SPRING1: variants seen among roughly 807,000 people sequenced by gnomAD.
The protein encoded by SPRING1 is SREBP regulating gene protein.
In SPRING1, 14 loss-of-function variants were observed where a neutral mutation model predicts 24.7. That is an observed-to-expected ratio of 0.57 (90% CI 0.37 to 0.88). The LOEUF (loss-of-function observed/expected upper bound fraction) is 0.88. Ranked by LOEUF, SPRING1 falls within the 40% of genes least tolerant of loss-of-function variation. SPRING1 has a pLI of 0.00. For synonymous variants in SPRING1, 93 were observed against 106.1 expected, an observed-to-expected ratio of 0.88 and a Z score of 0.76; for missense variants, 255 against 268.4, an observed-to-expected ratio of 0.95 and a Z score of 0.35.
intron 1 of SPRING1, among the ~76,000 whole-genome samples, chr12:116,730,801 C>A (rs777613317): frequency 6.6e-6 from 1 of 152,176 alleles, no homozygotes; most frequent in Non-Finnish European, 1.5e-5. Context: ...ACAAGCTAAG[C>A]GTAGCAGATA....
intron 1 of SPRING1, among the ~76,000 whole-genome samples, chr12:116,734,181 TTA>T: frequency 6.6e-6 from 1 of 152,168 alleles, no homozygotes; most frequent in South Asian, 2.1e-4. Flanking sequence ...CCAGCCCATT[TTA>T]TATCTTTTAT....
chr12:116,735,271 G>A (rs887782504), intron 1 of SPRING1, among the ~76,000 whole-genome samples: 1 of 152,200 alleles, frequency 6.6e-6, no homozygotes, highest in Admixed American at 6.5e-5. Flanking sequence ...ACGTCAACTA[G>A]AAAGTAGGAG....
chr12:116,736,181 T>A (rs1014838834), intron 1 of SPRING1, among the ~76,000 whole-genome samples: 2 of 150,850 alleles, frequency 1.3e-5, no homozygotes, highest in African/African-American at 4.9e-5. Flanking sequence ...AGATCTAGGC[T>A]GTTGTTATCA....
In SPRING1 at chr12:116,720,026, C is replaced by T. The variant is rs1870346482; in HGVS notation, c.421-150G>A. ...GGAGGGGAAAGGACACACGCGTGCACACACGTGCATGCCAAAACACCCTGG... is the reference window on the plus strand; with the variant it reads ...GGAGGGGAAAGGACACACGCGTGCATACACGTGCATGCCAAAACACCCTGG... On this transcript the variant is annotated intron_variant, in intron 3 of 4. Coordinates refer to ENST00000261318, the MANE Select transcript of SPRING1 (RefSeq NM_024738.4). The surrounding 1 kb of genome is among the most constrained non-coding windows in gnomAD (Gnocchi z 4.0). The T allele has an allele frequency of 1.3e-6, 1 of 743,762 alleles. No individual in the cohort carries two copies. Among genetic ancestry groups the T allele is most frequent in the South Asian group, 1.8e-5 (1 of 54,954 alleles). 46.1% of individuals were successfully genotyped at this position (743,762 alleles called of 1,614,324 possible). A position where few individuals can be genotyped will look rare whatever the true frequency, so the allele number is the denominator to read the frequency against.
rs142722974 is a variant in SPRING1, at chr12:116,719,841, G to A, written c.456C>T (p.Ala152=). 37 of 1,614,006 alleles carry A rather than the reference G, an allele frequency of 2.3e-5. 1 individual carries two copies. The highest frequency in any genetic ancestry group is 2.2e-4 in the South Asian group (20 of 91,082). The change falls in exon 4 of 5, where the codon GCC becomes GCT. Residue 152 remains alanine, a synonymous_variant. Coordinates refer to ENST00000261318, the MANE Select transcript of SPRING1 (RefSeq NM_024738.4). ...CCATGAAGAGGTTCTGGAATGCCACGGCTGCCCGGTTGAGGAAGCGCTCCA... is the reference window on the plus strand; with the variant it reads ...CCATGAAGAGGTTCTGGAATGCCACAGCTGCCCGGTTGAGGAAGCGCTCCA... The part of the protein sequence containing the change: ...LLLERFLNRA[A]VAFQNLFMAV...
rs1469924028 is a variant in SPRING1, at chr12:116,723,113, C to T, written c.222G>A (p.Gln74=). ...NLGNSSRPSN[Q]CRNSIQGKHL... is the part of the protein sequence containing the mutation. ...GCTTCCCTTGAATGGAGTTGCGGCA[C>T]TGATTGCTCGGACGACTGCTATTGC... Residue 74 remains glutamine (Q), a synonymous_variant, in exon 2 of 5, where the codon CAG becomes CAA. Coordinates refer to ENST00000261318, the MANE Select transcript of SPRING1 (RefSeq NM_024738.4). 2 of 1,612,886 alleles carry T rather than the reference C, an allele frequency of 1.2e-6. No individual in the cohort carries two copies. The highest frequency in any genetic ancestry group is 1.7e-5 in the Admixed American group (1 of 60,028).
chr12:116,728,859 T>A lies in SPRING1; in HGVS notation c.112-5636A>T, dbSNP rs1174238327. On this transcript the variant is annotated intron_variant, in intron 1 of 4. Transcript: ENST00000261318. The surrounding 1 kb of genome is among the most constrained non-coding windows in gnomAD (Gnocchi z 4.2). ...AGTCAGACGCATGCAGGAGCGCCTCTGCCAGAGCACCCAGGACAGCGGGGC... is the reference window on the plus strand; with the variant it reads ...AGTCAGACGCATGCAGGAGCGCCTCAGCCAGAGCACCCAGGACAGCGGGGC... Among the ~76,000 whole-genome samples the A allele has an allele frequency of 1.3e-5, 2 of 152,214 alleles. No homozygotes were observed. Among genetic ancestry groups the A allele is most frequent in the African/African-American group, 4.8e-5 (2 of 41,452 alleles).
At chr12:116,737,756 A>G in intron 1 of SPRING1, 34 bp downstream of exon 1, 2 of 1,410,710 alleles carry the variant, frequency 1.4e-6, no homozygotes, top group African/African-American at 1.5e-5. Context: ...GGAAGGAAGA[A>G]GGGAAGGGGA....
rs993661665 is a variant in SPRING1 at position 116,728,210 on chromosome 12, T to G, written c.112-4987A>C. ...CGCATAGTTAGGCCCGCCCTGCCAC[T>G]AGATCATGTCATCCTGTTTTGTTTT... On this transcript the variant is annotated intron_variant, in intron 1 of 4. Coordinates refer to ENST00000261318, the MANE Select transcript of SPRING1 (RefSeq NM_024738.4). The surrounding 1 kb of genome is among the most constrained non-coding windows in gnomAD (Gnocchi z 4.2). Among the ~76,000 whole-genome samples the G allele has an allele frequency of 6.6e-6, 1 of 152,210 alleles. No individual in the cohort carries two copies. The highest frequency in any genetic ancestry group is 2.4e-5 in the African/African-American group (1 of 41,450).
In SPRING1 at chr12:116,719,860, CG is replaced by C. The variant is rs765226688; in HGVS notation, c.436del (p.Arg146AlafsTer45). 28 of 1,613,940 alleles carry C rather than the reference CG, an allele frequency of 1.7e-5. No individual in the cohort carries two copies. Among genetic ancestry groups the C allele is most frequent in the Non-Finnish European group, 2.2e-5 (26 of 1,179,972 alleles). ...LQPNKQLLLERFLNRAAVAFQ... is the reference protein window; with the variant it reads ...LQPNKQLLLEXFLNRAAVAFQ... The stretch of plus-strand genomic sequence containing the variant: ...TGCCACGGCTGCCCGGTTGAGGAAG[CG>C]CTCCAGGAGAAGTTGCTATGGAAAC... On this transcript the variant is annotated frameshift_variant, in exon 4 of 5. Transcript: ENST00000261318. LOFTEE classifies it high-confidence loss of function.
In SPRING1 at chr12:116,712,515, C is replaced by T. The variant is rs764032748; in HGVS notation, c.*5295G>A. 4 of 152,156 alleles carry T rather than the reference C, an allele frequency of 2.6e-5. No homozygotes were observed. The highest frequency in any genetic ancestry group is 4.4e-5 in the Non-Finnish European group (3 of 68,044). The allele number at this position is 152,156 out of a possible 1,614,324, so 9.4% of individuals were successfully genotyped here. On this transcript the variant is annotated 3_prime_UTR_variant, in exon 5 of 5. Coordinates refer to ENST00000261318, the MANE Select transcript of SPRING1 (RefSeq NM_024738.4). Reference sequence around the variant, plus strand: ...CACACACTGGAAGAGCCTTGCCCAACGAACGATAGACTAACAGGCCAGAGG... The same window carrying T: ...CACACACTGGAAGAGCCTTGCCCAATGAACGATAGACTAACAGGCCAGAGG...
rs900467530 is a variant in SPRING1, at chr12:116,723,026, A to T, written c.268+41T>A. 4.3e-6 allele frequency: 7 copies of T among 1,610,974 alleles called. No individual in the cohort carries two copies. In the African/African-American group the frequency reaches 8.0e-5, roughly 18 times the overall value. On this transcript the variant is annotated intron_variant, in intron 2 of 4. Transcript: ENST00000261318. ...ACCCTATGAATGGCCCAACCAGCCTACGCTCCTGACCGCCTGGAGAGGAAG... is the reference window on the plus strand; with the variant it reads ...ACCCTATGAATGGCCCAACCAGCCTTCGCTCCTGACCGCCTGGAGAGGAAG...
chr12:116,718,681 G>A (rs1157911561), intron 4 of SPRING1, among the ~76,000 whole-genome samples: 1 of 152,210 alleles, frequency 6.6e-6, no homozygotes, highest in Non-Finnish European at 1.5e-5. Context: ...ACTGAAGACT[G>A]GAAATAATTC....
rs1555254866 is a variant in SPRING1, at chr12:116,711,025, A to ACGCACG, written c.*6784_*6785insCGTGCG. On this transcript the variant is annotated 3_prime_UTR_variant, in exon 5 of 5. Transcript: ENST00000261318. ...TTTTGTTACACACACACACACACAC[A>ACGCACG]CACGCACACACAGAGCCAATGTATG... 0.11 allele frequency: 16,725 copies of ACGCACG among 150,880 alleles called. 1,069 individuals carry two copies. The highest frequency in any genetic ancestry group is 0.18 in the African/African-American group (7,224 of 40,982). The allele number at this position is 150,880 out of a possible 1,614,324, so 9.3% of individuals were successfully genotyped here.
intron 1 of SPRING1, among the ~76,000 whole-genome samples, chr12:116,731,286 A>G (rs1238348397): frequency 3.3e-5 from 5 of 152,156 alleles, no homozygotes; most frequent in African/African-American, 1.2e-4. Context: ...TTGACCCCCC[A>G]TGACTTCTGC....
At chr12:116,726,668 G>C (rs904876455) in intron 1 of SPRING1, among the ~76,000 whole-genome samples, 2 of 30,670 alleles carry the variant, frequency 6.5e-5, no homozygotes, top group African/African-American at 1.7e-4. Context: ...GACCCTATCA[G>C]TTAACTGCAT....
chr12:116,719,904 A>G (rs747710312), intron 3 of SPRING1, 28 bp from the exon 4 acceptor site: 2 of 1,583,676 alleles, frequency 1.3e-6, no homozygotes, highest in African/African-American at 2.7e-5. Flanking sequence ...AGTGCCTGTA[A>G]TAAATTACCT....
rs1012112008 is a variant in SPRING1, at chr12:116,710,797, C to T, written c.*7013G>A. 1.1e-4 allele frequency: 17 copies of T among 152,110 alleles called. No homozygotes were observed. Among genetic ancestry groups the T allele is most frequent in the Non-Finnish European group, 4.4e-5 (3 of 68,040 alleles). 9.4% of individuals were successfully genotyped at this position (152,110 alleles called of 1,614,324 possible). On this transcript the variant is annotated 3_prime_UTR_variant, in exon 5 of 5. Transcript: ENST00000261318. ...AGCCTGGGACCCAGCCGCTGGGATA[C>T]GAGGGCTCTGGTCTTGCTTTAACAG...
At position 116,715,618 on chromosome 12, in the gene SPRING1, T is replaced by C. The variant is rs1870088875; in HGVS notation, c.*2192A>G. On this transcript the variant is annotated 3_prime_UTR_variant, in exon 5 of 5. Transcript: ENST00000261318. ...ATGCCGCCTCGCCCCTCTTTTGGCC[T>C]GGACAATTGAAATATATCTGCTCTC... is the stretch of plus-strand genomic sequence containing the variant. The C allele has an allele frequency of 6.6e-6, 1 of 152,254 alleles. No homozygotes were observed. Among genetic ancestry groups the C allele is most frequent in the Non-Finnish European group, 1.5e-5 (1 of 68,072 alleles). 9.4% of individuals were successfully genotyped at this position (152,254 alleles called of 1,614,324 possible). A position where few individuals can be genotyped will look rare whatever the true frequency, so the allele number is the denominator to read the frequency against.
Sources: allele counts gnomAD v4.1 joint callset (sites outside exome capture counted in the v4.1 genomes callset), GRCh38; gene constraint gnomAD v4.1.1; non-coding constraint Gnocchi (gnomAD v3.1); transcripts MANE v1.5; gene names NCBI Gene and HGNC (gene_info 2026-07-23, HGNC 2026-07-21).